Variants in ZNF536 observed in about 807,000 individuals in gnomAD.
The protein encoded by ZNF536 is zinc finger protein 536.
ZNF536 carries 13 observed loss-of-function variants against 84.5 expected under a neutral mutation model. That is an observed-to-expected ratio of 0.15 (90% CI 0.10 to 0.24). The LOEUF is 0.24. Among genes scored for constraint, ZNF536 ranks in the 10% least tolerant of loss-of-function variants. The probability of loss-of-function intolerance (pLI) is 1.00; values close to 1 mark genes in which losing one functional copy is unlikely to be tolerated. For missense variants in ZNF536, 1,536 were observed against 1,747.5 expected, an observed-to-expected ratio of 0.88 and a Z score of 2.16; for synonymous variants, 811 against 742.5, an observed-to-expected ratio of 1.09 and a Z score of -1.50.
At chr19:30,560,073 G>C (rs2046106741), downstream of ZNF536, among the ~76,000 whole-genome samples, 1 of 151,904 alleles carries the variant, frequency 6.6e-6, no homozygotes, top group African/African-American at 2.4e-5. Context: ...CCCATCCCTG[G>C]TTAACAACTT....
chr19:30,574,480 C>A (rs922340815), intron 1 of ZNF536, among the ~76,000 whole-genome samples: 1 of 152,240 alleles, frequency 6.6e-6, no homozygotes, highest in Non-Finnish European at 1.5e-5. Flanking sequence ...CTGATGCTAA[C>A]GGTTGGTCAC....
chr19:30,615,877 C>G (rs2048277093), intron 1 of ZNF536, among the ~76,000 whole-genome samples: 2 of 152,000 alleles, frequency 1.3e-5, no homozygotes, highest in Admixed American at 6.6e-5. Context: ...TCTCTCTTTT[C>G]TCCTCTCTGT....
At chr19:30,513,719 A>G (rs1373021155) in intron 2 of ZNF536, among the ~76,000 whole-genome samples, 3 of 152,012 alleles carry the variant, frequency 2.0e-5, no homozygotes, top group African/African-American at 4.8e-5. Flanking sequence ...ATTTACCCCA[A>G]ATGTGGGACT....
intron 2 of ZNF536, among the ~76,000 whole-genome samples, chr19:30,461,417 C>T (rs2053128853): frequency 6.6e-6 from 1 of 152,172 alleles, no homozygotes; most frequent in Non-Finnish European, 1.5e-5. Flanking sequence ...CTCTTTGCTT[C>T]TCAGTAGGAG....
At chr19:30,275,538 T>C (rs1174934135) in intron 1 of ZNF536, among the ~76,000 whole-genome samples, 1 of 152,080 alleles carries the variant, frequency 6.6e-6, no homozygotes, top group Non-Finnish European at 1.5e-5. Flanking sequence ...TTGCCTTGCG[T>C]TGGGGCACAG....
intron 1 of ZNF536, among the ~76,000 whole-genome samples, chr19:30,390,319 A>C (rs1346821804): frequency 6.6e-6 from 1 of 152,222 alleles, no homozygotes; most frequent in Non-Finnish European, 1.5e-5. Context: ...TTCTCTGTTA[A>C]TAAGCTCGCA....
chr19:30,420,948 T>C (rs1490366079), intron 1 of ZNF536, among the ~76,000 whole-genome samples: 3 of 152,192 alleles, frequency 2.0e-5, no homozygotes, highest in East Asian at 1.9e-4. Flanking sequence ...GTGTGTGTTT[T>C]TTGGTGGGTT....
chr19:30,378,967 A>G (rs1216639559), intron 1 of ZNF536, among the ~76,000 whole-genome samples: 1 of 152,210 alleles, frequency 6.6e-6, no homozygotes, highest in African/African-American at 2.4e-5. Context: ...TGGATTTCCC[A>G]GAGTCCCAGG....
chr19:30,557,224 G>A lies in ZNF536; in HGVS notation c.*60G>A. ...CCTTGTCTGTTCGTGGTCCTCGGTGGTTATCTGCAGCTTGTTAATCGTGTA... is the reference window on the plus strand; with the variant it reads ...CCTTGTCTGTTCGTGGTCCTCGGTGATTATCTGCAGCTTGTTAATCGTGTA... On this transcript the variant is annotated 3_prime_UTR_variant, in exon 5 of 5. Transcript: ENST00000355537. 2 of 1,581,530 alleles carry A rather than the reference G, an allele frequency of 1.3e-6. No homozygotes were observed. Among genetic ancestry groups the A allele is most frequent in the Non-Finnish European group, 8.7e-7 (1 of 1,152,238 alleles).
At chr19:30,610,616 A>C (rs1317412463) in intron 1 of ZNF536, among the ~76,000 whole-genome samples, 2 of 152,218 alleles carry the variant, frequency 1.3e-5, no homozygotes, top group African/African-American at 2.4e-5. Context: ...ATGTCATCTC[A>C]AACTTTTAAG....
At chr19:30,521,953 C>G (rs1205966806) in intron 2 of ZNF536, among the ~76,000 whole-genome samples, 1 of 152,114 alleles carries the variant, frequency 6.6e-6, no homozygotes, top group East Asian at 1.9e-4. Context: ...ACAGTGAAAA[C>G]TTAGCTAAAA....
chr19:30,479,450 G>C (rs12608523), intron 2 of ZNF536, among the ~76,000 whole-genome samples: 77,258 of 152,152 alleles, frequency 0.51, 21,428 homozygotes, highest in African/African-American at 0.73. Context: ...TTCCAGCAAC[G>C]ACCCTAGGTC....
At chr19:30,465,230 G>A (rs1187776258) in intron 2 of ZNF536, among the ~76,000 whole-genome samples, 3 of 152,154 alleles carry the variant, frequency 2.0e-5, no homozygotes, top group South Asian at 2.1e-4. Context: ...ATTGCCTGCT[G>A]CTCTCTCAGG....
intron 1 of ZNF536, among the ~76,000 whole-genome samples, chr19:30,660,508 C>G (rs2050086794): frequency 1.3e-5 from 2 of 152,194 alleles, no homozygotes; most frequent in South Asian, 4.1e-4. Flanking sequence ...AAGAAATTGA[C>G]TTCAGGCCCC....
chr19:30,340,391 C>T (rs951487485), intron 2 of ZNF536, among the ~76,000 whole-genome samples: 4 of 152,222 alleles, frequency 2.6e-5, no homozygotes, highest in Non-Finnish European at 5.9e-5. Flanking sequence ...AGCCCAGCCC[C>T]TGGACTCCCC....
intron 2 of ZNF536, among the ~76,000 whole-genome samples, chr19:30,467,443 G>A (rs1362513656): frequency 1.3e-5 from 2 of 152,224 alleles, no homozygotes; most frequent in Non-Finnish European, 2.9e-5. Flanking sequence ...GCCTGTGACA[G>A]ATTTCCTTCC....
chr19:30,317,588 C>A (rs1220655405), intron 2 of ZNF536, among the ~76,000 whole-genome samples: 1 of 152,218 alleles, frequency 6.6e-6, no homozygotes, highest in Non-Finnish European at 1.5e-5. Flanking sequence ...TTGAACCCAG[C>A]CCTCACGGAG....
chr19:30,470,914 C>T (rs994508567), intron 2 of ZNF536, among the ~76,000 whole-genome samples: 10 of 151,964 alleles, frequency 6.6e-5, no homozygotes, highest in African/African-American at 2.4e-4. Context: ...TCTCAAACTC[C>T]TGACCTCAGA....
chr19:30,656,222 G>A (rs1234574724), intron 1 of ZNF536, among the ~76,000 whole-genome samples: 1 of 152,138 alleles, frequency 6.6e-6, no homozygotes, highest in Non-Finnish European at 1.5e-5. Context: ...CTGGTCTTCT[G>A]AATTGGGAAC....
Sources: allele counts gnomAD v4.1 joint callset (sites outside exome capture counted in the v4.1 genomes callset), GRCh38; gene constraint gnomAD v4.1.1; transcripts MANE v1.5; gene names NCBI Gene and HGNC (gene_info 2026-07-23, HGNC 2026-07-21).